The following DCST2 variants were observed in gnomAD, a reference collection of about 807,000 sequenced individuals.
DCST2 encodes the protein DC-STAMP domain containing 2.
DCST2 carries 64 observed loss-of-function variants against 81.8 expected under a neutral mutation model. That is an observed-to-expected ratio of 0.78 (90% CI 0.64 to 0.96). The LOEUF (loss-of-function observed/expected upper bound fraction) is 0.96, where lower values mean the gene tolerates loss of function less well. Ranked by LOEUF, DCST2 falls within the 40% of genes least tolerant of loss-of-function variation. The pLI, the probability that DCST2 is intolerant of heterozygous loss-of-function variation, is 0.00. For synonymous variants in DCST2, 354 were observed against 402.6 expected (o/e 0.88, Z 1.44); for missense variants, 945 against 1,001.4 (o/e 0.94, Z 0.76).
chr1:155,031,087 C>T, intron 5 of DCST2, 82 bp downstream of exon 5: 1 of 1,439,710 alleles, frequency 6.9e-7, no homozygotes, highest in Non-Finnish European at 9.5e-7. Flanking sequence ...GCTGGGAGCA[C>T]TGGGGGCTGG....
In DCST2 at chr1:155,028,308, T is replaced by C. The variant is rs978459017; in HGVS notation, c.1342+925A>G. 4.6e-5 allele frequency among the ~76,000 whole-genome samples: 7 copies of C among 152,274 alleles called. No homozygotes were observed. In the East Asian group the frequency reaches 1.4e-3, roughly 29 times the overall value. On this transcript the variant is annotated intron_variant, in intron 8 of 14. Coordinates refer to ENST00000368424, the MANE Select transcript of DCST2 (RefSeq NM_144622.3). ...TATTCCACTATTCAGATGAGGAAAC[T>C]GGGCCAGGACAGTGGCTCACGCCTG...
chr1:155,024,840 T>G (rs578107384), intron 10 of DCST2, among the ~76,000 whole-genome samples: 1 of 152,320 alleles, frequency 6.6e-6, no homozygotes, highest in Admixed American at 6.5e-5. Context: ...GCTTTTTAAA[T>G]TACAACGTCT....
intron 7 of DCST2, 37 bp downstream of exon 7, chr1:155,030,047 C>T: frequency 6.2e-7 from 1 of 1,608,876 alleles, no homozygotes; most frequent in Non-Finnish European, 8.5e-7. Context: ...GCCCTGGCCT[C>T]CCTGGCTTGG....
intron 8 of DCST2, among the ~76,000 whole-genome samples, chr1:155,027,926 TTTA>T (rs1025615169): frequency 4.0e-5 from 6 of 150,232 alleles, no homozygotes; most frequent in African/African-American, 1.5e-4. Flanking sequence ...TTTATTTTAT[TTTA>T]TTATTATTAT....
At chr1:155,031,487 A>G (rs935715843) in intron 4 of DCST2, 87 bp downstream of exon 4, 3 of 1,425,496 alleles carry the variant, frequency 2.1e-6, no homozygotes, top group Non-Finnish European at 2.9e-6. Context: ...CGTCCTCCTG[A>G]GCCTGCCCTC....
rs1660021646 is a variant in DCST2 at position 155,030,034 on chromosome 1, G to A, written c.1177+50C>T. ...TAGGGGCAGGGCAGCGGGGTGGGGG[G>A]AAGCCCTGGCCTCCCTGGCTTGGGC... On this transcript the variant is annotated intron_variant, in intron 7 of 14. Transcript: ENST00000368424. The A allele has an allele frequency of 3.7e-6, 6 of 1,605,968 alleles. No individual in the cohort carries two copies. In the East Asian group the frequency reaches 6.7e-5, roughly 18 times the overall value.
Position 155,023,163 on chromosome 1 carries a change from C to T in DCST2, c.2059G>A (p.Glu687Lys), listed in dbSNP as rs781261884. Reference protein sequence around the residue: ...QAWLLQQQLQEVLGRSLSMES... With the variant: ...QAWLLQQQLQKVLGRSLSMES... Reference sequence around the variant, plus strand: ...ATTGAGAGGCTCCTGCCGAGCACTTCTTGGAGCTGTTGCTGCAATAACCAT... The same window carrying T: ...ATTGAGAGGCTCCTGCCGAGCACTTTTTGGAGCTGTTGCTGCAATAACCAT... The change falls in exon 14 of 15, where the codon GAA becomes AAA. Residue 687 changes from glutamate (E) to lysine (K), a missense_variant. Glu to Lys is a moderately conservative substitution (Grantham distance 56, BLOSUM62 1). Transcript: ENST00000368424. The T allele has an allele frequency of 6.2e-7, 1 of 1,614,056 alleles. No homozygotes were observed. Among genetic ancestry groups the T allele is most frequent in the African/African-American group, 1.3e-5 (1 of 75,070 alleles).
intron 14 of DCST2, among the ~76,000 whole-genome samples, chr1:155,021,269 G>A (rs560536845): frequency 1.3e-5 from 2 of 152,000 alleles, no homozygotes; most frequent in South Asian, 4.2e-4. Flanking sequence ...CCAAAGTGCT[G>A]GGATTACAGG....
Position 155,026,474 on chromosome 1 carries a change from A to G in DCST2, c.1511-72T>C, listed in dbSNP as rs1386744296. 7.4e-6 allele frequency: 12 copies of G among 1,611,818 alleles called. No individual in the cohort carries two copies. The Admixed American group carries it at 2.0e-4, about 27-fold the overall frequency. ...CCAGCCCACCCCTGGCGCCCCCCAC[A>G]TCCTCAGCAGTCTGCACCCCTCATT... On this transcript the variant is annotated intron_variant, in intron 9 of 14. Transcript: ENST00000368424.
rs796375141 is a variant in DCST2 at position 155,024,310 on chromosome 1, TA to T, written c.1742+161del. Among the ~76,000 whole-genome samples, 146 of 151,964 alleles carry T rather than the reference TA, an allele frequency of 9.6e-4. 1 individual carries two copies. The highest frequency in any genetic ancestry group is 3.4e-3 in the African/African-American group (139 of 41,446). ...AACTTAAAGTATAATAATAATAAAT[TA>T]AAAAAAAGAATTCCCACCTTTCACA... is the stretch of plus-strand genomic sequence containing the variant. On this transcript the variant is annotated intron_variant, in intron 11 of 14. Transcript: ENST00000368424.
At chr1:155,019,585 C>CT (rs1659685698) in intron 14 of DCST2, among the ~76,000 whole-genome samples, 1 of 152,242 alleles carries the variant, frequency 6.6e-6, no homozygotes. Flanking sequence ...TGCCCCTGCT[C>CT]TAACACGTCA....
intron 9 of DCST2, 30 bp downstream of exon 9, chr1:155,026,517 GC>G (rs1558099760): frequency 6.2e-7 from 1 of 1,613,074 alleles, no homozygotes; most frequent in South Asian, 1.1e-5. Context: ...TGGTGTCCAC[GC>G]CCCCAGGGAC....
At chr1:155,030,767 C>CA (rs1437066909) in intron 5 of DCST2, 122 bp from the exon 6 acceptor site, 5 of 1,057,618 alleles carry the variant, frequency 4.7e-6, no homozygotes, top group Non-Finnish European at 6.9e-6. Flanking sequence ...GGGAACCCCC[C>CA]AGTGCTTGGG....
At chr1:155,025,095 C>T (rs370327974) in intron 10 of DCST2, among the ~76,000 whole-genome samples, 4 of 146,838 alleles carry the variant, frequency 2.7e-5, no homozygotes, top group African/African-American at 1.0e-4. Context: ...TGTGGTGAGC[C>T]GAGATCGTGT....
chr1:155,027,045 T>A (rs1659931842), intron 8 of DCST2, among the ~76,000 whole-genome samples: 1 of 152,024 alleles, frequency 6.6e-6, no homozygotes, highest in South Asian at 2.1e-4. Flanking sequence ...TTTTAATTTA[T>A]TTTTTGAGAC....
At chr1:155,030,907 G>T in intron 5 of DCST2, 1 of 605,244 alleles carries the variant, frequency 1.7e-6, no homozygotes, top group Admixed American at 3.0e-5. Flanking sequence ...CCTGAGTGTG[G>T]ACCTGAATGT....
At chr1:155,024,701 T>C in intron 10 of DCST2, 99 bp from the exon 11 acceptor site, 1 of 1,308,620 alleles carries the variant, frequency 7.6e-7, no homozygotes, top group East Asian at 3.0e-5. Context: ...TCTATCCAAC[T>C]CCTATGAATC....
At chr1:155,020,920 T>A (rs1659734679) in intron 14 of DCST2, among the ~76,000 whole-genome samples, 1 of 151,904 alleles carries the variant, frequency 6.6e-6, no homozygotes, top group African/African-American at 2.4e-5. Context: ...CCTCCCTGGC[T>A]CAAGTGATCC....
chr1:155,029,416 G>A lies in DCST2; in HGVS notation c.1178-19C>T. 1 of 1,611,130 alleles carries A rather than the reference G, an allele frequency of 6.2e-7. No individual in the cohort carries two copies. Among genetic ancestry groups the A allele is most frequent in the Admixed American group, 1.7e-5 (1 of 59,732 alleles). ...ATGGAGCCTGAGCAGGAGTGGGATG[G>A]TCAGGAGGATGCTCCCCAGTTCTCC... On this transcript the variant is annotated intron_variant, in intron 7 of 14. Coordinates refer to ENST00000368424, the MANE Select transcript of DCST2 (RefSeq NM_144622.3).
Sources: gnomAD v4.1 joint callset for allele counts (sites outside exome capture counted in the v4.1 genomes callset) on GRCh38, gnomAD v4.1.1 for gene constraint, MANE v1.5 for transcripts, NCBI Gene and HGNC (gene_info 2026-07-23, HGNC 2026-07-21) for gene names.